The following MGAT4C variants were observed in gnomAD, a reference collection of about 807,000 sequenced individuals.
MGAT4C encodes the protein MGAT4 family member C.
A neutral mutation model predicts 40.1 loss-of-function variants in MGAT4C; 19 were observed. The observed-to-expected ratio is 0.47, with a 90% CI of 0.33 to 0.70. The LOEUF (loss-of-function observed/expected upper bound fraction) is 0.70, where lower values mean the gene tolerates loss of function less well. Among genes scored for constraint, MGAT4C ranks in the 30% least tolerant of loss-of-function variants. MGAT4C has a pLI of 0.02. For synonymous variants in MGAT4C, 181 were observed against 187.1 expected, an observed-to-expected ratio of 0.97 and a Z score of 0.27; for missense variants, 491 against 563.2, an observed-to-expected ratio of 0.87 and a Z score of 1.30.
chr12:86,215,519 A>C (rs1364704126), intron 1 of MGAT4C, among the ~76,000 whole-genome samples: 1 of 152,206 alleles, frequency 6.6e-6, no homozygotes, highest in Admixed American at 6.5e-5. Flanking sequence ...GCCAAGTTTT[A>C]GCCAATGGCA....
At chr12:86,792,829 G>C (rs1022359618) in intron 1 of MGAT4C, among the ~76,000 whole-genome samples, 3 of 152,164 alleles carry the variant, frequency 2.0e-5, no homozygotes, top group African/African-American at 7.2e-5. Context: ...TACCCGGGAG[G>C]CTGAGGCAGG....
chr12:86,302,424 G>GGGTTT (rs375890434), intron 4 of MGAT4C, among the ~76,000 whole-genome samples: 3,077 of 142,388 alleles, frequency 0.022, 324 homozygotes, highest in African/African-American at 0.077. Flanking sequence ...TTGGTTGGTT[G>GGGTTT]GGTTTGGTTT....
At chr12:86,812,410 T>C (rs1379265060) in intron 1 of MGAT4C, among the ~76,000 whole-genome samples, 1 of 152,090 alleles carries the variant, frequency 6.6e-6, no homozygotes, top group Non-Finnish European at 1.5e-5. Context: ...TTTCCAATTA[T>C]ATTTGTGGAT....
chr12:86,393,903 C>T (rs990968806), intron 3 of MGAT4C, among the ~76,000 whole-genome samples: 1 of 152,228 alleles, frequency 6.6e-6, no homozygotes, highest in Non-Finnish European at 1.5e-5. Flanking sequence ...TCGTGTCCCT[C>T]ACCTTGTCAG....
At chr12:86,115,365 T>C (rs945197955) in intron 1 of MGAT4C, among the ~76,000 whole-genome samples, 77 of 151,920 alleles carry the variant, frequency 5.1e-4, no homozygotes, top group Non-Finnish European at 1.0e-3. Context: ...GTCATATACT[T>C]AAGATTTGGG....
intron 2 of MGAT4C, among the ~76,000 whole-genome samples, chr12:86,656,766 C>T (rs1963861314): frequency 6.6e-6 from 1 of 151,990 alleles, no homozygotes; most frequent in Admixed American, 6.6e-5. Flanking sequence ...TAAATATGCT[C>T]TCAGCCAAGT....
At chr12:86,334,783 T>C (rs1474038864) in intron 3 of MGAT4C, among the ~76,000 whole-genome samples, 1 of 152,116 alleles carries the variant, frequency 6.6e-6, no homozygotes, top group East Asian at 1.9e-4. Context: ...ATTTCTGGTC[T>C]ATTTAGCTAC....
At chr12:86,785,540 T>C (rs1180451819) in intron 1 of MGAT4C, among the ~76,000 whole-genome samples, 1 of 151,940 alleles carries the variant, frequency 6.6e-6, no homozygotes, top group Non-Finnish European at 1.5e-5. Context: ...AGCACAATTT[T>C]CTGGAATATG....
intron 1 of MGAT4C, among the ~76,000 whole-genome samples, chr12:86,781,981 A>G (rs1288786011): frequency 6.6e-6 from 1 of 151,752 alleles, no homozygotes; most frequent in South Asian, 2.1e-4. Flanking sequence ...AAGTTTATTC[A>G]TAGACTTTTT....
chr12:86,163,613 T>A, intron 1 of MGAT4C, among the ~76,000 whole-genome samples: 1 of 152,322 alleles, frequency 6.6e-6, no homozygotes, highest in African/African-American at 2.4e-5. Context: ...AATAAATCCA[T>A]GTTATCACTA....
At chr12:86,516,863 C>A (rs2136354490) in intron 2 of MGAT4C, among the ~76,000 whole-genome samples, 1 of 152,212 alleles carries the variant, frequency 6.6e-6, no homozygotes, top group South Asian at 2.1e-4. Context: ...GCTTAAAAAT[C>A]AAAGACGTAT....
At chr12:86,578,332 A>G (rs1324448317) in intron 2 of MGAT4C, among the ~76,000 whole-genome samples, 1 of 151,804 alleles carries the variant, frequency 6.6e-6, no homozygotes, top group Non-Finnish European at 1.5e-5. Context: ...ATCTGTAGCT[A>G]CATAACAATC....
At chr12:86,290,071 G>T (rs1291259257) in intron 4 of MGAT4C, among the ~76,000 whole-genome samples, 1 of 151,516 alleles carries the variant, frequency 6.6e-6, no homozygotes, top group Non-Finnish European at 1.5e-5. Flanking sequence ...TTTTGAGACG[G>T]AGTCTTGCTC....
chr12:86,259,520 T>G (rs1008669454), upstream of MGAT4C, among the ~76,000 whole-genome samples: 1 of 151,828 alleles, frequency 6.6e-6, no homozygotes, highest in Non-Finnish European at 1.5e-5. Context: ...TTGAATATTC[T>G]ATTTAATATA....
chr12:86,537,516 GA>G (rs982492194), intron 2 of MGAT4C, among the ~76,000 whole-genome samples: 4 of 151,448 alleles, frequency 2.6e-5, no homozygotes, highest in East Asian at 1.9e-4. Flanking sequence ...AACCAAAAAG[GA>G]AAAAAAAGTG....
At chr12:86,223,148 A>G (rs879398015) in intron 1 of MGAT4C, among the ~76,000 whole-genome samples, 2 of 152,212 alleles carry the variant, frequency 1.3e-5, no homozygotes, top group Non-Finnish European at 2.9e-5. Context: ...GGCTGGGCCA[A>G]AAAGATAGAG....
intron 3 of MGAT4C, among the ~76,000 whole-genome samples, chr12:86,380,700 C>T (rs1365980111): frequency 6.6e-6 from 1 of 152,124 alleles, no homozygotes; most frequent in Admixed American, 6.5e-5. Context: ...GGAAGCCAAT[C>T]ACAATCCAGA....
chr12:86,212,817 G>A (rs1293395648), intron 1 of MGAT4C, among the ~76,000 whole-genome samples: 20 of 92,782 alleles, frequency 2.2e-4, no homozygotes, highest in African/African-American at 6.8e-4. Context: ...GCGTGAACCC[G>A]GGAGGCGGAG....
At chr12:86,508,279 A>G (rs1958507761) in intron 2 of MGAT4C, among the ~76,000 whole-genome samples, 1 of 152,068 alleles carries the variant, frequency 6.6e-6, no homozygotes, top group African/African-American at 2.4e-5. Flanking sequence ...TCATTGTTCA[A>G]TTCCCACCTA....
Sources: allele counts gnomAD v4.1 joint callset (sites outside exome capture counted in the v4.1 genomes callset), GRCh38; gene constraint gnomAD v4.1.1; transcripts MANE v1.5; gene names NCBI Gene and HGNC (gene_info 2026-07-23, HGNC 2026-07-21).